SMG7: variants seen among roughly 807,000 people sequenced by gnomAD.
The protein encoded by SMG7 is nonsense-mediated mRNA decay factor SMG7.
Under a neutral mutation model 148.2 loss-of-function variants are expected in SMG7, and 34 were observed. That is an observed-to-expected ratio of 0.23 (90% CI 0.17 to 0.31). The LOEUF is 0.31. Among genes scored for constraint, SMG7 ranks in the 10% least tolerant of loss-of-function variants. The pLI is 1.00. For synonymous variants in SMG7, 492 were observed against 515.1 expected, an observed-to-expected ratio of 0.96 and a Z score of 0.61; for missense variants, 1,114 against 1,408.4, an observed-to-expected ratio of 0.79 and a Z score of 3.35.
Position 183,542,274 on chromosome 1 carries a change from C to T in SMG7, c.1614C>T (p.Asp538=), listed in dbSNP as rs371708560. ...GCCGAAATTTAAGCAACAACTGTGA[C>T]ACAGGAGAGAAGCCAGTGGTTACCT... is the stretch of plus-strand genomic sequence containing the variant. ...STSRNLSNNC[D]TGEKPVVTFK... The change falls in exon 14 of 23, where the codon GAC becomes GAT. Residue 538 remains aspartate (D), a synonymous_variant. Coordinates refer to ENST00000688051, the MANE Select transcript of SMG7 (RefSeq NM_001375584.1). The T allele has an allele frequency of 2.5e-6, 4 of 1,613,944 alleles. No individual in the cohort carries two copies. The highest frequency in any genetic ancestry group is 4.5e-5 in the East Asian group (2 of 44,890).
At chr1:183,542,790 A>G (rs1669106428) in intron 14 of SMG7, among the ~76,000 whole-genome samples, 2 of 152,152 alleles carry the variant, frequency 1.3e-5, no homozygotes, top group East Asian at 1.9e-4. Context: ...ACACAGGATT[A>G]TATTTTATTT....
Position 183,539,117 on chromosome 1 carries a change from A to G in SMG7, c.1295+677A>G, listed in dbSNP as rs189458377. Among the ~76,000 whole-genome samples, 855 of 152,050 alleles carry G rather than the reference A, an allele frequency of 5.6e-3. 7 individuals are homozygous for G. Among genetic ancestry groups the G allele is most frequent in the Non-Finnish European group, 9.5e-3 (647 of 67,984 alleles). On this transcript the variant is annotated intron_variant, in intron 12 of 22. Transcript: ENST00000688051. ...GTGAGCTGAGAGATCACGCCACTGC[A>G]CTCCAGCCTGGGTGACAGAGTGAGA...
At position 183,533,736 on chromosome 1, in the gene SMG7, A is replaced by G. The variant is rs562365283; in HGVS notation, c.1067A>G (p.Tyr356Cys). 23 of 1,610,312 alleles carry G rather than the reference A, an allele frequency of 1.4e-5. No individual in the cohort carries two copies. Among genetic ancestry groups the G allele is most frequent in the East Asian group, 4.5e-5 (2 of 44,858 alleles). ...PLQNESQEES[Y>C]NAYPLPAVKV... ...CAGAATGAGTCTCAGGAGGAGTCCTACAATGCCTATCCTCTTCCAGCAGTC... is the reference window on the plus strand; with the variant it reads ...CAGAATGAGTCTCAGGAGGAGTCCTGCAATGCCTATCCTCTTCCAGCAGTC... The change falls in exon 10 of 23, where the codon TAC (tyrosine) becomes TGC (cysteine). Residue 356 changes from tyrosine (Y) to cysteine (C), a missense_variant. By Grantham distance (194) the Tyr-to-Cys change is radical (BLOSUM62 -2). Coordinates refer to ENST00000688051, the MANE Select transcript of SMG7 (RefSeq NM_001375584.1).
intron 6 of SMG7, 41 bp downstream of exon 6, chr1:183,528,068 G>A (rs1456782096): frequency 2.0e-6 from 3 of 1,494,682 alleles, no homozygotes; most frequent in Admixed American, 1.8e-5. Context: ...GTGACACTTT[G>A]TTCTTTATAA....
intron 1 of SMG7, among the ~76,000 whole-genome samples, chr1:183,486,221 G>T (rs182493723): frequency 3.3e-5 from 5 of 152,264 alleles, no homozygotes; most frequent in Admixed American, 6.5e-5. Flanking sequence ...GTAAATGTTG[G>T]CTAATAATAT....
intron 2 of SMG7, among the ~76,000 whole-genome samples, chr1:183,514,130 A>G (rs2102444962): frequency 6.6e-6 from 1 of 151,540 alleles, no homozygotes; most frequent in East Asian, 1.9e-4. Context: ...GTAACAGCAT[A>G]TGCCATCCTA....
intron 1 of SMG7, among the ~76,000 whole-genome samples, chr1:183,480,001 A>C (rs1653666193): frequency 6.6e-6 from 1 of 152,284 alleles, no homozygotes; most frequent in African/African-American, 2.4e-5. Context: ...ACCACATCTA[A>C]GTTTTTCTTA....
chr1:183,492,405 T>A (rs1657279766), intron 1 of SMG7, among the ~76,000 whole-genome samples: 1 of 152,218 alleles, frequency 6.6e-6, no homozygotes, highest in Non-Finnish European at 1.5e-5. Context: ...CTCTGTTCTG[T>A]CCTATTTCTC....
intron 4 of SMG7, chr1:183,518,705 T>C (rs1042933094): frequency 1.3e-5 from 2 of 152,168 alleles, no homozygotes; most frequent in Admixed American, 6.5e-5. Flanking sequence ...ATAAATCTTA[T>C]TTTTGACCAT....
chr1:183,539,660 CTA>C (rs1558047589), intron 12 of SMG7, among the ~76,000 whole-genome samples: 1 of 152,220 alleles, frequency 6.6e-6, no homozygotes, highest in African/African-American at 2.4e-5. Context: ...TCTTCTTTCT[CTA>C]TTTTCTGTCT....
At chr1:183,535,561 G>A (rs1026041551) in intron 10 of SMG7, among the ~76,000 whole-genome samples, 8 of 152,100 alleles carry the variant, frequency 5.3e-5, no homozygotes, top group African/African-American at 1.9e-4. Flanking sequence ...TATCTTTTAA[G>A]TAATGGAAAA....
intron 2 of SMG7, among the ~76,000 whole-genome samples, chr1:183,513,751 A>G (rs1001560290): frequency 5.9e-5 from 9 of 151,304 alleles, no homozygotes; most frequent in African/African-American, 2.2e-4. Context: ...TAAATGAGGC[A>G]TGGTGCGGTG....
chr1:183,495,451 G>A lies in SMG7; in HGVS notation c.30-17386G>A, dbSNP rs1056886498. Among the ~76,000 whole-genome samples the A allele has an allele frequency of 2.0e-5, 3 of 152,122 alleles. No individual in the cohort carries two copies. The East Asian group carries it at 5.8e-4, about 29-fold the overall frequency. On this transcript the variant is annotated intron_variant, in intron 1 of 22. Transcript: ENST00000688051. The stretch of plus-strand genomic sequence containing the variant: ...TATGTTGAGGAGGAAGAGAGAGTGA[G>A]GAAAACAACTAGAGAGAACTCCTGG...
rs1665926546 is a variant in SMG7, at chr1:183,526,632, T to A, written c.349T>A (p.Leu117Ile). ...ACTGTGTACAGTATTTAATGTAGAT[T>A]TACCATGCCGTGTGAAGTCTTCCCA... ...QELCTVFNVD[L>I]PCRVKSSQLG... is the part of the protein sequence containing the mutation. Residue 117 changes from leucine to isoleucine, a missense_variant, in exon 5 of 23, where the codon TTA becomes ATA. Leu to Ile is a conservative substitution (Grantham distance 5). This residue lies in a region of SMG7 where 216 missense variants were observed against 329.1 expected (regional missense o/e 0.66). Coordinates refer to ENST00000688051, the MANE Select transcript of SMG7 (RefSeq NM_001375584.1). The A allele has an allele frequency of 1.2e-6, 2 of 1,613,352 alleles. No individual in the cohort carries two copies. Among genetic ancestry groups the A allele is most frequent in the African/African-American group, 2.7e-5 (2 of 74,914 alleles).
intron 2 of SMG7, 98 bp downstream of exon 2, chr1:183,512,966 T>C: frequency 9.1e-7 from 1 of 1,104,746 alleles, no homozygotes; most frequent in Non-Finnish European, 1.3e-6. Flanking sequence ...CTAAATCCCA[T>C]CTTAGTTGCC....
rs1662468730 is a variant in SMG7, at chr1:183,512,828, T to TG, written c.30-9_30-8insG. 2 of 1,571,386 alleles carry TG rather than the reference T, an allele frequency of 1.3e-6. No homozygotes were observed. Among genetic ancestry groups the TG allele is most frequent in the East Asian group, 4.6e-5 (2 of 43,920 alleles). On this transcript the variant is annotated splice_polypyrimidine_tract_variant and intron_variant, in intron 1 of 22. Coordinates refer to ENST00000688051, the MANE Select transcript of SMG7 (RefSeq NM_001375584.1). The stretch of plus-strand genomic sequence containing the variant: ...ATACTCTTTTTTTTTTTTTTTTTTT[T>TG]CTATCTAGGCAGGCAGAAGTCCTGA...
rs1310264780 is a variant in SMG7 at position 183,542,066 on chromosome 1, G to T, written c.1416-10G>T. On this transcript the variant is annotated splice_polypyrimidine_tract_variant and intron_variant, in intron 13 of 22. Transcript: ENST00000688051. The stretch of plus-strand genomic sequence containing the variant: ...GTTTTTTATATATGGATTTATTTTT[G>T]CTTTTTTAGGCTGATTCAGTGTGAA... The T allele has an allele frequency of 3.2e-6, 5 of 1,580,522 alleles. No individual in the cohort carries two copies. The highest frequency in any genetic ancestry group is 3.8e-5 in the Admixed American group (2 of 52,140).
intron 2 of SMG7, 72 bp from the exon 3 acceptor site, chr1:183,515,802 C>A: frequency 1.2e-6 from 1 of 850,262 alleles, no homozygotes; most frequent in Non-Finnish European, 1.9e-6. Flanking sequence ...GAAGGAGTCA[C>A]TGGTGTGGTA....
chr1:183,495,411 A>AT (rs1658242792), intron 1 of SMG7, among the ~76,000 whole-genome samples: 1 of 152,190 alleles, frequency 6.6e-6, no homozygotes, highest in African/African-American at 2.4e-5. Flanking sequence ...TAAAATTAGG[A>AT]TTTTTGTTTT....
Sources: allele counts gnomAD v4.1 joint callset (sites outside exome capture counted in the v4.1 genomes callset), GRCh38; gene constraint gnomAD v4.1.1; regional missense constraint gnomAD v4.1.1; transcripts MANE v1.5; gene names NCBI Gene and HGNC (gene_info 2026-07-23, HGNC 2026-07-21).